ADGRL2: variants seen among roughly 807,000 people sequenced by gnomAD.
The protein encoded by ADGRL2 is calcium-independent alpha-latrotoxin receptor 2.
Under a neutral mutation model 157.4 loss-of-function variants are expected in ADGRL2, and 44 were observed. The ratio of observed to expected loss-of-function variants is 0.28; its 90% CI spans 0.22 to 0.36. The LOEUF (loss-of-function observed/expected upper bound fraction) is 0.36, where lower values mean the gene tolerates loss of function less well. Ranked by LOEUF, ADGRL2 falls within the 10% of genes least tolerant of loss-of-function variation. ADGRL2 has a pLI of 1.00. For synonymous variants in ADGRL2, 585 were observed against 624.7 expected, an observed-to-expected ratio of 0.94 and a Z score of 0.95; for missense variants, 1,510 against 1,768.9, an observed-to-expected ratio of 0.85 and a Z score of 2.63.
At chr1:81,531,203 A>G (rs2079590332) in intron 2 of ADGRL2, among the ~76,000 whole-genome samples, 1 of 152,190 alleles carries the variant, frequency 6.6e-6, no homozygotes, top group African/African-American at 2.4e-5. Flanking sequence ...CTGATAATCC[A>G]CATTTGAGGA....
chr1:81,622,031 C>T (rs1219264788), intron 3 of ADGRL2, among the ~76,000 whole-genome samples: 2 of 152,162 alleles, frequency 1.3e-5, no homozygotes, highest in Non-Finnish European at 1.5e-5. Flanking sequence ...TATCCAATTC[C>T]AAACATAGCA....
intron 1 of ADGRL2, among the ~76,000 whole-genome samples, chr1:81,727,978 C>G (rs1173854951): frequency 6.6e-6 from 1 of 151,838 alleles, no homozygotes; most frequent in Admixed American, 6.6e-5. Flanking sequence ...TGTTTAACAC[C>G]TAGAGTATAT....
At chr1:81,564,404 C>T in intron 2 of ADGRL2, among the ~76,000 whole-genome samples, 1 of 152,298 alleles carries the variant, frequency 6.6e-6, no homozygotes, top group Admixed American at 6.5e-5. Context: ...GGAGGATCCA[C>T]TCCCAAGCTT....
chr1:81,825,495 TACG>T (rs1248292497), intron 1 of ADGRL2, among the ~76,000 whole-genome samples: 3 of 151,844 alleles, frequency 2.0e-5, no homozygotes, highest in Non-Finnish European at 4.4e-5. Flanking sequence ...ATTGCAGGCA[TACG>T]CCACCATGCC....
chr1:81,502,556 A>G, intron 2 of ADGRL2: 2 of 1,614,014 alleles, frequency 1.2e-6, no homozygotes, highest in Non-Finnish European at 1.7e-6. Context: ...GGTGACCGAG[A>G]AGGGGGGCCT....
At chr1:81,749,860 C>A (rs1571065725) in intron 1 of ADGRL2, among the ~76,000 whole-genome samples, 1 of 152,030 alleles carries the variant, frequency 6.6e-6, no homozygotes, top group East Asian at 1.9e-4. Context: ...TTGAATAAAT[C>A]TTCAGTCTGA....
At chr1:81,958,265 A>G (rs1253753292) in intron 11 of ADGRL2, among the ~76,000 whole-genome samples, 1 of 152,032 alleles carries the variant, frequency 6.6e-6, no homozygotes, top group Non-Finnish European at 1.5e-5. Flanking sequence ...CTCAAAAAAA[A>G]AAGGTCATTT....
At position 81,648,725 on chromosome 1, in the gene ADGRL2, G is replaced by C. The variant is rs557443219; in HGVS notation, c.-143+67745G>C. On this transcript the variant is annotated intron_variant, in intron 3 of 24. Coordinates refer to the ADGRL2 transcript ENST00000370721. Reference sequence around the variant, plus strand: ...TGTTACATAGTGACATTTCTGTAAAGCCTCAGATTTCATTCTAACCAACCC... The same window carrying C: ...TGTTACATAGTGACATTTCTGTAAACCCTCAGATTTCATTCTAACCAACCC... 2.0e-5 allele frequency among the ~76,000 whole-genome samples: 3 copies of C among 152,296 alleles called. No homozygotes were observed. The South Asian group carries it at 6.2e-4, about 32-fold the overall frequency.
At chr1:81,786,960 G>A (rs1003506998) in intron 2 of ADGRL2, among the ~76,000 whole-genome samples, 1 of 152,148 alleles carries the variant, frequency 6.6e-6, no homozygotes, top group Non-Finnish European at 1.5e-5. Flanking sequence ...GAGGGACCCG[G>A]TAGGAGATAA....
chr1:81,744,577 C>T (rs1180794813), intron 1 of ADGRL2, among the ~76,000 whole-genome samples: 1 of 152,118 alleles, frequency 6.6e-6, no homozygotes, highest in Non-Finnish European at 1.5e-5. Context: ...TTAAGTACTT[C>T]TTTGGAAAGG....
chr1:81,417,836 G>C (rs929561524), intron 1 of ADGRL2, among the ~76,000 whole-genome samples: 8 of 152,102 alleles, frequency 5.3e-5, no homozygotes, highest in Non-Finnish European at 1.2e-4. Context: ...TATGTCAGTA[G>C]TGCCCAAGCT....
intron 2 of ADGRL2, among the ~76,000 whole-genome samples, chr1:81,463,861 T>A (rs1387417586): frequency 6.6e-6 from 1 of 152,190 alleles, no homozygotes; most frequent in Non-Finnish European, 1.5e-5. Context: ...AATGAAAATA[T>A]CACCACCACT....
chr1:81,768,807 G>A (rs772674451), intron 2 of ADGRL2, among the ~76,000 whole-genome samples: 11 of 152,220 alleles, frequency 7.2e-5, no homozygotes, highest in Admixed American at 4.6e-4. Context: ...TAGGCCAGGC[G>A]ATGTAGCTCA....
chr1:81,980,769 T>C (rs755453852), intron 18 of ADGRL2: 24 of 666,630 alleles, frequency 3.6e-5, no homozygotes, highest in Middle Eastern at 2.5e-4. Flanking sequence ...TTCCTTTTCC[T>C]CTTTCTGTCT....
chr1:81,376,158 G>GA (rs929801853), intron 1 of ADGRL2, among the ~76,000 whole-genome samples: 1 of 152,016 alleles, frequency 6.6e-6, no homozygotes, highest in African/African-American at 2.4e-5. Context: ...ATCAAACTTT[G>GA]AAAAAAATCT....
intron 2 of ADGRL2, among the ~76,000 whole-genome samples, chr1:81,497,930 T>C (rs528150541): frequency 6.6e-6 from 1 of 152,202 alleles, no homozygotes; most frequent in East Asian, 1.9e-4. Flanking sequence ...ATGGCAAAAA[T>C]TTGCAGTGGC....
chr1:81,642,170 C>T (rs767088769), intron 3 of ADGRL2, among the ~76,000 whole-genome samples: 16 of 150,690 alleles, frequency 1.1e-4, no homozygotes, highest in Non-Finnish European at 1.9e-4. Context: ...ATGGCATGAA[C>T]CCAGGAGGCG....
intron 2 of ADGRL2, among the ~76,000 whole-genome samples, chr1:81,528,950 G>A (rs1368833968): frequency 6.6e-6 from 1 of 152,230 alleles, no homozygotes; most frequent in Non-Finnish European, 1.5e-5. Flanking sequence ...TAAGAAGGGT[G>A]TTTTAAGAGG....
At chr1:81,850,234 T>C (rs3790937) in intron 2 of ADGRL2, among the ~76,000 whole-genome samples, 11,071 of 152,002 alleles carry the variant, frequency 0.073, 508 homozygotes, top group South Asian at 0.16. Flanking sequence ...AATATCAGTC[T>C]ATTGTAGTGA....
Sources: gnomAD v4.1 joint callset for allele counts (sites outside exome capture counted in the v4.1 genomes callset) on GRCh38, gnomAD v4.1.1 for gene constraint, MANE v1.5 for transcripts, NCBI Gene and HGNC (gene_info 2026-07-23, HGNC 2026-07-21) for gene names.